Variants in ODR4 observed in about 807,000 individuals in gnomAD.
ODR4 encodes the protein protein odr-4 homolog.
Under a neutral mutation model 60.2 loss-of-function variants are expected in ODR4, and 47 were observed. The observed-to-expected ratio is 0.78, with a 90% confidence interval of 0.62 to 1.00. ODR4 has a LOEUF of 1.00. ODR4 is among the 50% of genes least tolerant of loss of function. The pLI, the probability that ODR4 is intolerant of heterozygous loss-of-function variation, is 0.00. For missense variants in ODR4, 488 were observed against 530.8 expected, an observed-to-expected ratio of 0.92 and a Z score of 0.79; for synonymous variants, 178 against 175.5, an observed-to-expected ratio of 1.01 and a Z score of -0.11.
chr1:186,430,994 T>C, the ODR4 span, among the ~76,000 whole-genome samples: 3 of 152,136 alleles, frequency 2.0e-5, no homozygotes, highest in East Asian at 3.9e-4. Context: ...AGAAACAAGA[T>C]AGATGACTGT....
At chr1:186,416,283 C>T (rs12401911) in intron 12 of ODR4, among the ~76,000 whole-genome samples, 7 of 152,136 alleles carry the variant, frequency 4.6e-5, no homozygotes, top group Non-Finnish European at 1.0e-4. Context: ...CACCTGTAAT[C>T]CCAGCACTTT....
chr1:186,379,443 C>CAAAAA (rs57320656), intron 1 of ODR4, among the ~76,000 whole-genome samples: 3 of 58,468 alleles, frequency 5.1e-5, no homozygotes, highest in Non-Finnish European at 1.2e-4. Context: ...AACTCCGTCT[C>CAAAAA]AAAAAAAAAA....
intron 12 of ODR4, among the ~76,000 whole-genome samples, chr1:186,408,559 T>G (rs1302201161): frequency 6.7e-6 from 1 of 149,898 alleles, no homozygotes; most frequent in Non-Finnish European, 1.5e-5. Context: ...CATAAACATG[T>G]AATATAAACA....
chr1:186,396,350 T>C (rs954686695), intron 9 of ODR4, among the ~76,000 whole-genome samples: 3 of 152,190 alleles, frequency 2.0e-5, no homozygotes, highest in Non-Finnish European at 4.4e-5. Flanking sequence ...AGCTCATGCC[T>C]GTAATCCCAG....
At position 186,393,983 on chromosome 1, in the gene ODR4, C is replaced by A; in HGVS notation, c.748C>A (p.His250Asn). 6.6e-7 allele frequency: 1 copy of A among 1,523,508 alleles called. No homozygotes were observed. The highest frequency in any genetic ancestry group is 8.9e-7 in the Non-Finnish European group (1 of 1,125,586). 94.4% of individuals were successfully genotyped at this position (1,523,508 alleles called of 1,614,324 possible). A position where few individuals can be genotyped will look rare whatever the true frequency, so the allele number is the denominator to read the frequency against. The change falls in exon 9 of 14, where the codon CAT becomes AAT. Residue 250 changes from histidine to asparagine, a missense_variant. Coordinates refer to ENST00000287859, the MANE Select transcript of ODR4 (RefSeq NM_017847.6). ...TAGAGGAAATACTCAAGCAACTAGT[C>A]ATTCTTTTGATGTCAGAGTGCTAAC... ...SSRGNTQATS[H>N]SFDVRVLTQL... is the part of the protein sequence containing the mutation.
In ODR4 at chr1:186,393,987, C is replaced by G. The variant is rs12084264; in HGVS notation, c.752C>G (p.Ser251Cys). The change falls in exon 9 of 14, where the codon TCT (serine) becomes TGT (cysteine). Residue 251 changes from serine to cysteine, a missense_variant. Physicochemically the swap from Ser to Cys is moderately radical, Grantham distance 112 (BLOSUM62 -1). Coordinates refer to ENST00000287859, the MANE Select transcript of ODR4 (RefSeq NM_017847.6). ...SRGNTQATSH[S>C]FDVRVLTQLL... ...GGAAATACTCAAGCAACTAGTCATT[C>G]TTTTGATGTCAGAGTGCTAACGCAG... 0.31 allele frequency: 467,788 copies of G among 1,492,402 alleles called. 77,360 individuals are homozygous for G. Among genetic ancestry groups the G allele is most frequent in the Admixed American group, 0.39 (18,269 of 47,152 alleles). 92.4% of individuals were successfully genotyped at this position (1,492,402 alleles called of 1,614,324 possible).
chr1:186,395,612 A>G (rs1660641081), intron 9 of ODR4, among the ~76,000 whole-genome samples: 1 of 152,128 alleles, frequency 6.6e-6, no homozygotes, highest in Non-Finnish European at 1.5e-5. Context: ...CAACAGTATT[A>G]TTTTACCTAA....
At position 186,386,059 on chromosome 1, in the gene ODR4, T is replaced by A; in HGVS notation, c.306T>A (p.Asn102Lys). 5 of 1,600,026 alleles carry A rather than the reference T, an allele frequency of 3.1e-6. No homozygotes were observed. Among genetic ancestry groups the A allele is most frequent in the Non-Finnish European group, 4.3e-6 (5 of 1,171,692 alleles). The change falls in exon 4 of 14, where the codon AAT becomes AAA. Residue 102 changes from asparagine to lysine, a missense_variant. By Grantham distance (94) the Asn-to-Lys change is moderately conservative. Transcript: ENST00000287859. ...TTATTACTACTTTAGAACTGGCAAA[T>A]GATTTTCAAAATGCCCTGCGTAGAG... ...VFIITTLELA[N>K]DFQNALRRLM... is the part of the protein sequence containing the mutation.
chr1:186,398,238 C>G, intron 9 of ODR4, 75 bp from the exon 10 acceptor site: 1 of 1,313,796 alleles, frequency 7.6e-7, no homozygotes, highest in Non-Finnish European at 1.0e-6. Context: ...CATAAAATCG[C>G]TAATATAATG....
chr1:186,380,703 T>A (rs554092259), intron 2 of ODR4, among the ~76,000 whole-genome samples: 1 of 152,250 alleles, frequency 6.6e-6, no homozygotes, highest in African/African-American at 2.4e-5. Flanking sequence ...TTGGGACAAT[T>A]TTCTTTCTAG....
chr1:186,384,664 G>C (rs1660184123), intron 3 of ODR4, among the ~76,000 whole-genome samples: 1 of 151,490 alleles, frequency 6.6e-6, no homozygotes, highest in South Asian at 2.1e-4. Context: ...GAAAGAAAAG[G>C]TTAATTTTAC....
chr1:186,411,832 C>T (rs895334506), intron 12 of ODR4: 2 of 974,182 alleles, frequency 2.1e-6, no homozygotes, highest in Non-Finnish European at 2.4e-6. Context: ...GATGGATTAA[C>T]AGTAGGAAGA....
At chr1:186,401,525 C>T (rs539601955) in intron 11 of ODR4, 3 of 184,100 alleles carry the variant, frequency 1.6e-5, no homozygotes, top group South Asian at 1.3e-4. Context: ...TCCTTCCTTC[C>T]TTCCTTCCTC....
At chr1:186,416,173 G>T (rs1020758638) in intron 12 of ODR4, among the ~76,000 whole-genome samples, 2 of 152,194 alleles carry the variant, frequency 1.3e-5, no homozygotes, top group East Asian at 1.9e-4. Flanking sequence ...GTACTGCAAC[G>T]TGCTGGTCAG....
chr1:186,379,443 CAAAAAAA>C (rs57320656), intron 1 of ODR4, among the ~76,000 whole-genome samples: 89 of 58,512 alleles, frequency 1.5e-3, no homozygotes, highest in African/African-American at 3.8e-3. Context: ...AACTCCGTCT[CAAAAAAA>C]AAAAAAAAAA....
chr1:186,430,390 C>G, the ODR4 span, among the ~76,000 whole-genome samples: 2 of 151,998 alleles, frequency 1.3e-5, no homozygotes, highest in Non-Finnish European at 2.9e-5. Context: ...TCAACTTGCT[C>G]AATTTGTTGA....
At chr1:186,433,176 A>G in the ODR4 span, among the ~76,000 whole-genome samples, 1 of 152,000 alleles carries the variant, frequency 6.6e-6, no homozygotes, top group African/African-American at 2.4e-5. Flanking sequence ...TTATTTCCTT[A>G]TGTTTGTACT....
At chr1:186,399,965 T>TCATCTCCC (rs1171815503) in intron 11 of ODR4, among the ~76,000 whole-genome samples, 3 of 150,614 alleles carry the variant, frequency 2.0e-5, no homozygotes. Context: ...AGCTACATCA[T>TCATCTCCC]CATCTCCCCA....
At position 186,405,451 on chromosome 1, in the gene ODR4, A is replaced by G. The variant is rs376090468; in HGVS notation, c.1001-632A>G. 2.0e-5 allele frequency among the ~76,000 whole-genome samples: 3 copies of G among 152,380 alleles called. No individual in the cohort carries two copies. The South Asian group carries it at 6.2e-4, about 32-fold the overall frequency. On this transcript the variant is annotated intron_variant, in intron 11 of 13. Coordinates refer to ENST00000287859, the MANE Select transcript of ODR4 (RefSeq NM_017847.6). The stretch of plus-strand genomic sequence containing the variant: ...GACAAGAAGGACAATAGTTTCTGAC[A>G]TCAAGGACAAAATTGTCTCTTGAGT...
Sources: allele counts gnomAD v4.1 joint callset (sites outside exome capture counted in the v4.1 genomes callset), GRCh38; gene constraint gnomAD v4.1.1; transcripts MANE v1.5; gene names NCBI Gene and HGNC (gene_info 2026-07-23, HGNC 2026-07-21).